The following CALCRL variants were observed in gnomAD, a reference collection of about 807,000 sequenced individuals.
CALCRL encodes the protein calcitonin receptor like receptor.
CALCRL carries 27 observed loss-of-function variants against 60.4 expected under a neutral mutation model. The ratio of observed to expected loss-of-function variants is 0.45; its 90% CI spans 0.33 to 0.62. The LOEUF (loss-of-function observed/expected upper bound fraction) is 0.62. CALCRL is among the 20% of genes least tolerant of loss of function. The pLI, the probability that CALCRL is intolerant of heterozygous loss-of-function variation, is 0.03. For missense variants in CALCRL, 424 were observed against 540.7 expected (o/e 0.78, Z 2.14); for synonymous variants, 190 against 182.6 (o/e 1.04, Z -0.33).
intron 1 of CALCRL, among the ~76,000 whole-genome samples, chr2:187,395,804 CA>C (rs1688626871): frequency 6.6e-6 from 1 of 151,960 alleles, no homozygotes; most frequent in Non-Finnish European, 1.5e-5. Context: ...GTGTCTTCCT[CA>C]GTCCCATCTC....
chr2:187,379,865 GAAA>G (rs1687915389), intron 7 of CALCRL, among the ~76,000 whole-genome samples: 1 of 152,136 alleles, frequency 6.6e-6, no homozygotes. Context: ...GTAGAAATAA[GAAA>G]TCAGGTTTTA....
chr2:187,445,964 A>G (rs977865448), intron 1 of CALCRL, among the ~76,000 whole-genome samples: 2 of 151,616 alleles, frequency 1.3e-5, no homozygotes, highest in African/African-American at 4.8e-5. Flanking sequence ...ACAGTTTCAT[A>G]TATTATAAAA....
chr2:187,358,620 C>T (rs2105721366), intron 12 of CALCRL, among the ~76,000 whole-genome samples: 1 of 151,482 alleles, frequency 6.6e-6, no homozygotes, highest in African/African-American at 2.4e-5. Flanking sequence ...GAGACATTTG[C>T]TGCATCTGGC....
At chr2:187,403,986 T>C (rs962088998) in intron 1 of CALCRL, among the ~76,000 whole-genome samples, 79 of 151,852 alleles carry the variant, frequency 5.2e-4, no homozygotes, top group African/African-American at 1.9e-3. Flanking sequence ...AGATGGCAAA[T>C]CCATTTCAGT....
At chr2:187,355,879 A>G (rs896217021) in intron 12 of CALCRL, among the ~76,000 whole-genome samples, 2 of 152,168 alleles carry the variant, frequency 1.3e-5, no homozygotes, top group Non-Finnish European at 1.5e-5. Context: ...GAGCTAAATC[A>G]TGAGTCAACT....
chr2:187,352,341 GA>G lies in CALCRL; in HGVS notation c.910-10del, dbSNP rs779401655. ...AAGAAAAAAAGATTCACCTAAAAAC[GA>G]AATTAAATGGCATCTGAAAATCATT... On this transcript the variant is annotated splice_polypyrimidine_tract_variant and intron_variant, in intron 12 of 14. Transcript: ENST00000392370. 23 of 1,480,488 alleles carry G rather than the reference GA, an allele frequency of 1.6e-5. No individual in the cohort carries two copies. The highest frequency in any genetic ancestry group is 8.5e-5 in the Admixed American group (5 of 58,650). 91.7% of individuals were successfully genotyped at this position (1,480,488 alleles called of 1,614,324 possible).
At chr2:187,413,011 G>T (rs1689431999) in intron 1 of CALCRL, among the ~76,000 whole-genome samples, 1 of 152,130 alleles carries the variant, frequency 6.6e-6, no homozygotes, top group African/African-American at 2.4e-5. Flanking sequence ...CTTTCAATTT[G>T]TGAGGAAGAC....
chr2:187,394,133 GC>G (rs1395266950), intron 1 of CALCRL, among the ~76,000 whole-genome samples: 6 of 152,082 alleles, frequency 3.9e-5, no homozygotes, highest in African/African-American at 1.4e-4. Flanking sequence ...AAAGATGAAA[GC>G]CTGAGAAAGA....
Position 187,348,331 on chromosome 2 carries a change from C to T in CALCRL, c.1171-1932G>A, listed in dbSNP as rs924772940. 6.6e-5 allele frequency among the ~76,000 whole-genome samples: 10 copies of T among 151,594 alleles called. No homozygotes were observed. The South Asian group carries it at 1.7e-3, about 25-fold the overall frequency. Reference sequence around the variant, plus strand: ...ACATCTGATGAGAAATATTTTTGATCCTTATTTTTTGTTTCATAAACTTCT... The same window carrying T: ...ACATCTGATGAGAAATATTTTTGATTCTTATTTTTTGTTTCATAAACTTCT... On this transcript the variant is annotated intron_variant, in intron 14 of 14. Transcript: ENST00000392370.
At chr2:187,394,337 T>G (rs1266621589) in intron 1 of CALCRL, among the ~76,000 whole-genome samples, 1 of 152,074 alleles carries the variant, frequency 6.6e-6, no homozygotes, top group East Asian at 1.9e-4. Flanking sequence ...CCATTACTTT[T>G]ATTTTGACCA....
rs982871094 is a variant in CALCRL at position 187,342,679 on chromosome 2, A to G, written c.*3505T>C. ...AAAATGATGTACATTATTATTGATC[A>G]TAAAAATAAAAATTAGTTATTAAGT... is the stretch of plus-strand genomic sequence containing the variant. On this transcript the variant is annotated 3_prime_UTR_variant, in exon 15 of 15. Transcript: ENST00000392370. Among the ~76,000 whole-genome samples, 1 of 151,684 alleles carries G rather than the reference A, an allele frequency of 6.6e-6. No homozygotes were observed. The highest frequency in any genetic ancestry group is 2.4e-5 in the African/African-American group (1 of 41,430).
chr2:187,423,799 T>A (rs1690004006), intron 1 of CALCRL, among the ~76,000 whole-genome samples: 1 of 152,050 alleles, frequency 6.6e-6, no homozygotes, highest in East Asian at 1.9e-4. Flanking sequence ...GAATCCCAAA[T>A]GATTTGAAGT....
In CALCRL at chr2:187,380,590, A is replaced by T. The variant is rs192350024; in HGVS notation, c.296-11T>A. On this transcript the variant is annotated splice_polypyrimidine_tract_variant and intron_variant, in intron 6 of 14. Coordinates refer to ENST00000392370, the MANE Select transcript of CALCRL (RefSeq NM_005795.6). The stretch of plus-strand genomic sequence containing the variant: ...TCTTTGTAACTTTTTCTTTAAAATT[A>T]AAAAAAAAGGGAAAACAGGAATTTA... 2 of 1,504,694 alleles carry T rather than the reference A, an allele frequency of 1.3e-6. No individual in the cohort carries two copies. Among genetic ancestry groups the T allele is most frequent in the African/African-American group, 1.4e-5 (1 of 71,864 alleles). The allele number at this position is 1,504,694 out of a possible 1,614,324, so 93.2% of individuals were successfully genotyped here. A position where few individuals can be genotyped will look rare whatever the true frequency, so the allele number is the denominator to read the frequency against.
intron 8 of CALCRL, among the ~76,000 whole-genome samples, chr2:187,366,054 T>C (rs1021403384): frequency 1.3e-5 from 2 of 150,460 alleles, no homozygotes; most frequent in African/African-American, 4.9e-5. Flanking sequence ...CCATCCTGGC[T>C]AACAAGGTGA....
intron 8 of CALCRL, among the ~76,000 whole-genome samples, chr2:187,374,199 CT>C (rs550724826): frequency 1.8e-3 from 274 of 152,056 alleles, no homozygotes; most frequent in African/African-American, 5.9e-3. Context: ...AAAGAACACA[CT>C]CTCCTGTAAT....
chr2:187,447,501 T>A (rs779926746), intron 1 of CALCRL, among the ~76,000 whole-genome samples: 1 of 152,012 alleles, frequency 6.6e-6, no homozygotes, highest in Non-Finnish European at 1.5e-5. Flanking sequence ...TACAGATATA[T>A]GTGTAAATAA....
At chr2:187,427,690 G>A (rs1690205703) in intron 1 of CALCRL, among the ~76,000 whole-genome samples, 1 of 152,064 alleles carries the variant, frequency 6.6e-6, no homozygotes, top group African/African-American at 2.4e-5. Flanking sequence ...GGTCATAAAT[G>A]TTATCAGGTG....
intron 1 of CALCRL, among the ~76,000 whole-genome samples, chr2:187,438,428 T>G (rs527727789): frequency 1.3e-5 from 2 of 152,196 alleles, no homozygotes; most frequent in African/African-American, 2.4e-5. Flanking sequence ...CTGACAAACA[T>G]GTCTGTTTAC....
At chr2:187,369,124 A>G (rs1182969283) in intron 8 of CALCRL, among the ~76,000 whole-genome samples, 1 of 152,124 alleles carries the variant, frequency 6.6e-6, no homozygotes, top group Non-Finnish European at 1.5e-5. Context: ...CCCTCTTCCC[A>G]TGCCCTTGGG....
Sources: gnomAD v4.1 joint callset for allele counts (sites outside exome capture counted in the v4.1 genomes callset) on GRCh38, gnomAD v4.1.1 for gene constraint, MANE v1.5 for transcripts, NCBI Gene and HGNC (gene_info 2026-07-23, HGNC 2026-07-21) for gene names.